Variants in LRFN5 observed in about 807,000 individuals in gnomAD.
LRFN5 encodes the protein leucine-rich repeat and fibronectin type-III domain-containing protein 5.
LRFN5 carries 24 observed loss-of-function variants against 45.6 expected under a neutral mutation model. The ratio of observed to expected loss-of-function variants is 0.53; its 90% CI spans 0.38 to 0.74. The LOEUF (loss-of-function observed/expected upper bound fraction) is 0.74, where lower values mean the gene tolerates loss of function less well. Ranked by LOEUF, LRFN5 falls within the 30% of genes least tolerant of loss-of-function variation. LRFN5 has a pLI of 0.00. For synonymous variants in LRFN5, 340 were observed against 313.8 expected (o/e 1.08, Z -0.88); for missense variants, 776 against 861.5 (o/e 0.90, Z 1.24).
chr14:41,902,791 G>A (rs1274908792), intron 5 of LRFN5, among the ~76,000 whole-genome samples: 1 of 151,558 alleles, frequency 6.6e-6, no homozygotes, highest in African/African-American at 2.4e-5. Flanking sequence ...CTTTGATATA[G>A]TATCATAACA....
chr14:41,777,573 A>G (rs903979050), intron 2 of LRFN5, among the ~76,000 whole-genome samples: 2 of 151,868 alleles, frequency 1.3e-5, no homozygotes, highest in Non-Finnish European at 3.0e-5. Context: ...GTTTGTAGTT[A>G]TAATATCTAT....
chr14:41,706,687 T>C (rs1883081148), intron 1 of LRFN5, among the ~76,000 whole-genome samples: 1 of 152,222 alleles, frequency 6.6e-6, no homozygotes, highest in Admixed American at 6.5e-5. Context: ...TAATTTTATA[T>C]TGAGCATCTT....
At chr14:41,842,126 TG>T (rs1244408654) in intron 2 of LRFN5, among the ~76,000 whole-genome samples, 1 of 152,062 alleles carries the variant, frequency 6.6e-6, no homozygotes, top group Non-Finnish European at 1.5e-5. Flanking sequence ...CTGGGTTTGT[TG>T]TTTTTGGCTT....
chr14:41,816,768 G>A (rs1177944219), intron 2 of LRFN5, among the ~76,000 whole-genome samples: 1 of 151,890 alleles, frequency 6.6e-6, no homozygotes, highest in Non-Finnish European at 1.5e-5. Context: ...CATATGTACT[G>A]CTTGGTTTTT....
intron 1 of LRFN5, among the ~76,000 whole-genome samples, chr14:41,675,418 C>T (rs1485215328): frequency 1.3e-5 from 2 of 152,362 alleles, no homozygotes; most frequent in East Asian, 1.9e-4. Context: ...CCGGCCAACA[C>T]AGCGAAACCC....
chr14:41,832,667 A>G lies in LRFN5; in HGVS notation c.-20-53939A>G, dbSNP rs181188580. ...CTTATATTCGCTATGGGTTCACCATATATTGGTCCCTTTCTCAGAACATAT... is the reference window on the plus strand; with the variant it reads ...CTTATATTCGCTATGGGTTCACCATGTATTGGTCCCTTTCTCAGAACATAT... On this transcript the variant is annotated intron_variant, in intron 2 of 5. Coordinates refer to ENST00000298119, the MANE Select transcript of LRFN5 (RefSeq NM_152447.5). Among the ~76,000 whole-genome samples, 201 of 152,244 alleles carry G rather than the reference A, an allele frequency of 1.3e-3. 1 individual carries two copies. Among genetic ancestry groups the G allele is most frequent in the Non-Finnish European group, 2.9e-5 (2 of 68,016 alleles).
In LRFN5 at chr14:41,607,043, G is replaced by T. The variant is rs1436356236; in HGVS notation, c.-1716G>T. 6.6e-6 allele frequency among the ~76,000 whole-genome samples: 1 copy of T among 152,222 alleles called. No homozygotes were observed. The highest frequency in any genetic ancestry group is 2.4e-5 in the African/African-American group (1 of 41,566). On this transcript the variant is annotated 5_prime_UTR_variant, in exon 1 of 6. Transcript: ENST00000298119. ...TGCCTCGCGCCTGAACTGCGGACTCGCCCCAGCGCGGTGGCCAGCGGGCGG... is the reference window on the plus strand; with the variant it reads ...TGCCTCGCGCCTGAACTGCGGACTCTCCCCAGCGCGGTGGCCAGCGGGCGG...
At chr14:41,674,223 C>T (rs1356424736) in intron 1 of LRFN5, among the ~76,000 whole-genome samples, 20 of 113,094 alleles carry the variant, frequency 1.8e-4, no homozygotes, top group East Asian at 6.2e-4. Context: ...ACCTCCCTCC[C>T]GGACGGGGCG....
At chr14:41,789,329 T>C (rs1009614173) in intron 2 of LRFN5, among the ~76,000 whole-genome samples, 1 of 152,024 alleles carries the variant, frequency 6.6e-6, no homozygotes, top group Non-Finnish European at 1.5e-5. Flanking sequence ...ATAATTCCAG[T>C]ATATGGATAA....
chr14:41,676,612 G>C (rs8009571), intron 1 of LRFN5, among the ~76,000 whole-genome samples: 84,671 of 151,958 alleles, frequency 0.56, 25,837 homozygotes, highest in East Asian at 0.97. Flanking sequence ...GGGGTCTGGA[G>C]AATGTTGTTC....
rs71105409 is a variant in LRFN5 at position 41,882,846 on chromosome 14, C to CTTT, written c.-20-3742_-20-3740dup. Among the ~76,000 whole-genome samples the CTTT allele has an allele frequency of 4.9e-3, 529 of 107,258 alleles. 11 individuals carry two copies. The highest frequency in any genetic ancestry group is 0.01 in the South Asian group (31 of 2,974). 70.4% of individuals were successfully genotyped at this position (107,258 alleles called of 152,430 possible). A position where few individuals can be genotyped will look rare whatever the true frequency, so the allele number is the denominator to read the frequency against. ...GTAGAGCAACAGCTATGTATTTCCT[C>CTTT]TTTTTTTTTTTTTTTTTTTTGAGAT... On this transcript the variant is annotated intron_variant, in intron 2 of 5. Coordinates refer to ENST00000298119, the MANE Select transcript of LRFN5 (RefSeq NM_152447.5).
chr14:41,768,997 G>A (rs1378240206), intron 2 of LRFN5, among the ~76,000 whole-genome samples: 1 of 151,810 alleles, frequency 6.6e-6, no homozygotes, highest in South Asian at 2.1e-4. Flanking sequence ...CAGTCCATTA[G>A]CGTGTAGAAG....
intron 1 of LRFN5, among the ~76,000 whole-genome samples, chr14:41,613,798 A>G (rs1887842017): frequency 6.6e-6 from 1 of 152,052 alleles, no homozygotes; most frequent in Non-Finnish European, 1.5e-5. Context: ...CAGGAATGGA[A>G]GCCTAAACAA....
At chr14:41,781,718 G>C (rs1594703852) in intron 2 of LRFN5, among the ~76,000 whole-genome samples, 1 of 151,364 alleles carries the variant, frequency 6.6e-6, no homozygotes, top group Non-Finnish European at 1.5e-5. Context: ...AAGAGAGAGA[G>C]GAAAGAAGGA....
chr14:41,695,999 A>C (rs1882594503), intron 1 of LRFN5, among the ~76,000 whole-genome samples: 1 of 151,982 alleles, frequency 6.6e-6, no homozygotes, highest in Non-Finnish European at 1.5e-5. Context: ...AGATGTCATT[A>C]AGAACATTAA....
chr14:41,749,453 A>G (rs12878867), intron 1 of LRFN5, among the ~76,000 whole-genome samples: 2 of 152,202 alleles, frequency 1.3e-5, no homozygotes, highest in Non-Finnish European at 2.9e-5. Context: ...TGCTACATAT[A>G]CACTACGAAA....
chr14:41,702,483 G>A (rs1210306665), intron 1 of LRFN5, among the ~76,000 whole-genome samples: 3 of 152,070 alleles, frequency 2.0e-5, no homozygotes, highest in Non-Finnish European at 4.4e-5. Context: ...GTTTTTTAGA[G>A]ACAGGGTCTC....
At chr14:41,644,339 G>A (rs918692553) in intron 1 of LRFN5, among the ~76,000 whole-genome samples, 5 of 152,144 alleles carry the variant, frequency 3.3e-5, no homozygotes, top group African/African-American at 9.7e-5. Context: ...ATTAGATAAT[G>A]TCTTACATCT....
intron 2 of LRFN5, among the ~76,000 whole-genome samples, chr14:41,872,732 C>T (rs56176025): frequency 0.012 from 1,898 of 152,264 alleles, 34 homozygotes; most frequent in African/African-American, 0.044. Flanking sequence ...TCAACATTTT[C>T]GCTTAATATC....
Sources: gnomAD v4.1 joint callset for allele counts (sites outside exome capture counted in the v4.1 genomes callset) on GRCh38, gnomAD v4.1.1 for gene constraint, MANE v1.5 for transcripts, NCBI Gene and HGNC (gene_info 2026-07-23, HGNC 2026-07-21) for gene names.